TRMT44: variants seen among roughly 807,000 people sequenced by gnomAD.
TRMT44 encodes the protein tRNA methyltransferase 44 homolog.
TRMT44 carries 78 observed loss-of-function variants against 77.3 expected under a neutral mutation model. The ratio of observed to expected loss-of-function variants is 1.01; its 90% confidence interval spans 0.84 to 1.22. TRMT44 has a LOEUF of 1.22. Among genes scored for constraint, TRMT44 ranks in the 50% most tolerant of loss-of-function variants. The pLI, the probability that TRMT44 is intolerant of heterozygous loss-of-function variation, is 0.00. For missense variants in TRMT44, 1,090 were observed against 964.4 expected, an observed-to-expected ratio of 1.13 and a Z score of -1.73; for synonymous variants, 391 against 383.3, an observed-to-expected ratio of 1.02 and a Z score of -0.23.
the TRMT44 span, chr4:8,512,020 T>G: frequency 6.6e-6 from 1 of 152,180 alleles, no homozygotes; most frequent in Non-Finnish European, 1.5e-5. Context: ...AATTTTCTTT[T>G]TAGTTTTTAG....
intron 6 of TRMT44, among the ~76,000 whole-genome samples, chr4:8,463,598 G>A (rs1392529003): frequency 2.0e-5 from 3 of 152,198 alleles, no homozygotes; most frequent in Non-Finnish European, 4.4e-5. Context: ...AGACCTCTCT[G>A]CCTTCCATTC....
chr4:8,452,164 G>A lies in TRMT44; in HGVS notation c.1023+136G>A, dbSNP rs140152809. The A allele has an allele frequency of 3.6e-5, 28 of 778,902 alleles. 1 individual carries two copies. The highest frequency in any genetic ancestry group is 6.6e-5 in the Admixed American group (3 of 45,678). 48.2% of individuals were successfully genotyped at this position (778,902 alleles called of 1,614,324 possible). ...TTCTGCTGGCCAAGGTTGGTTTCTCGTGTAATGGTTTGACTTCATGTGGTC... is the reference window on the plus strand; with the variant it reads ...TTCTGCTGGCCAAGGTTGGTTTCTCATGTAATGGTTTGACTTCATGTGGTC... On this transcript the variant is annotated intron_variant, in intron 4 of 10. Coordinates refer to ENST00000389737, the MANE Select transcript of TRMT44 (RefSeq NM_152544.3). This position sits in a 1 kb window ranked among gnomAD's most constrained non-coding sequence, Gnocchi z 5.7.
rs914787512 is a variant in TRMT44, at chr4:8,449,591, A to G, written c.735-78A>G. 143 of 1,167,478 alleles carry G rather than the reference A, an allele frequency of 1.2e-4. No individual in the cohort carries two copies. In the African/African-American group the frequency reaches 1.8e-3, roughly 14 times the overall value. The allele number at this position is 1,167,478 out of a possible 1,614,324, so 72.3% of individuals were successfully genotyped here. A position where few individuals can be genotyped will look rare whatever the true frequency, so the allele number is the denominator to read the frequency against. On this transcript the variant is annotated intron_variant, in intron 2 of 10. Coordinates refer to ENST00000389737, the MANE Select transcript of TRMT44 (RefSeq NM_152544.3). ...AGATGTCTTAGCTTCTGTTTTCTTC[A>G]TTAGGTAAATAAATAGATAATTTTA...
the TRMT44 span, among the ~76,000 whole-genome samples, chr4:8,501,645 T>G: frequency 6.6e-6 from 1 of 152,142 alleles, no homozygotes; most frequent in Non-Finnish European, 1.5e-5. This position sits in a 1 kb window ranked among gnomAD's most constrained non-coding sequence, Gnocchi z 4.4. Flanking sequence ...CCTTTGCTAT[T>G]TGAGATGTTT....
In TRMT44 at chr4:8,476,384, T is replaced by C; in HGVS notation, c.*383T>C. On this transcript the variant is annotated 3_prime_UTR_variant, in exon 11 of 11. Transcript: ENST00000389737. ...ACCATGTCCACATCTGTGAAGAGGA[T>C]GGGGCTCCTCGAGAAGTAAGACCGT... 4.3e-6 allele frequency: 1 copy of C among 231,194 alleles called. No homozygotes were observed. Among genetic ancestry groups the C allele is most frequent in the Non-Finnish European group, 8.5e-6 (1 of 117,276 alleles). The allele number at this position is 231,194 out of a possible 1,614,324, so 14.3% of individuals were successfully genotyped here.
At chr4:8,463,108 G>A (rs751767284) in intron 6 of TRMT44, among the ~76,000 whole-genome samples, 39 of 152,338 alleles carry the variant, frequency 2.6e-4, no homozygotes, top group Non-Finnish European at 4.7e-4. Flanking sequence ...GAATAGCCTT[G>A]AAGAGTGAGT....
At chr4:8,473,712 T>C (rs1252031480) in intron 10 of TRMT44, 1 of 152,382 alleles carries the variant, frequency 6.6e-6, no homozygotes, top group Non-Finnish European at 1.5e-5. Context: ...CATTTCAAAA[T>C]GAGGAGCACA....
At chr4:8,445,412 C>A (rs959616603) in intron 1 of TRMT44, among the ~76,000 whole-genome samples, 9 of 152,242 alleles carry the variant, frequency 5.9e-5, no homozygotes, top group African/African-American at 1.9e-4. Context: ...CCCTATGTGA[C>A]CTGGGTGGGC....
intron 8 of TRMT44, among the ~76,000 whole-genome samples, chr4:8,466,255 C>T (rs1726535333): frequency 6.6e-6 from 1 of 152,258 alleles, no homozygotes; most frequent in African/African-American, 2.4e-5. Context: ...TGATGGCTGC[C>T]TTAGCAAGAA....
At chr4:8,482,635 T>A (rs963107542) in intron 2 of TRMT44, among the ~76,000 whole-genome samples, 1 of 152,096 alleles carries the variant, frequency 6.6e-6, no homozygotes, top group Non-Finnish European at 1.5e-5. Flanking sequence ...TGAGCCAGGA[T>A]GAGCCAGGAA....
chr4:8,455,096 G>A lies in TRMT44; in HGVS notation c.1203+283G>A, dbSNP rs553690718. Among the ~76,000 whole-genome samples, 93 of 152,304 alleles carry A rather than the reference G, an allele frequency of 6.1e-4. 1 individual carries two copies. The highest frequency in any genetic ancestry group is 7.5e-4 in the Non-Finnish European group (51 of 68,026). ...TTTGTATCTTGTGTGGGGTGCTCCC[G>A]TGCAGCCTTGAGGTGGGGGCTGTGC... is the stretch of plus-strand genomic sequence containing the variant. On this transcript the variant is annotated intron_variant, in intron 6 of 10. Transcript: ENST00000389737.
At chr4:8,443,552 A>ATTAT (rs1207855820) in intron 1 of TRMT44, among the ~76,000 whole-genome samples, 2 of 152,228 alleles carry the variant, frequency 1.3e-5, no homozygotes, top group Admixed American at 1.3e-4. Context: ...AAATAGGATA[A>ATTAT]TAATAAAATA....
At chr4:8,496,699 G>A (rs1050677177), downstream of TRMT44, among the ~76,000 whole-genome samples, 1 of 152,082 alleles carries the variant, frequency 6.6e-6, no homozygotes, top group Non-Finnish European at 1.5e-5. Context: ...CGGTCACTGT[G>A]GCTCCCTCAG....
At position 8,475,937 on chromosome 4, in the gene TRMT44, C is replaced by T. The variant is rs576421639; in HGVS notation, c.2210C>T (p.Pro737Leu). 2.9e-5 allele frequency: 47 copies of T among 1,614,196 alleles called. No individual in the cohort carries two copies. The highest frequency in any genetic ancestry group is 8.3e-5 in the Admixed American group (5 of 60,032). ...DGCALSTDCC[P>L]FAHGPAELRP... Reference sequence around the variant, plus strand: ...TGCGCTCTGTCCACGGACTGCTGCCCGTTTGCCCATGGGCCTGCGGAGCTG... The same window carrying T: ...TGCGCTCTGTCCACGGACTGCTGCCTGTTTGCCCATGGGCCTGCGGAGCTG... The change falls in exon 11 of 11, where the codon CCG becomes CTG. Residue 737 changes from proline (P) to leucine (L), a missense_variant. Physicochemically the swap from Pro to Leu is moderately conservative, Grantham distance 98. Transcript: ENST00000389737.
intron 2 of TRMT44, among the ~76,000 whole-genome samples, chr4:8,448,077 G>A (rs1256566373): frequency 6.6e-6 from 1 of 151,686 alleles, no homozygotes; most frequent in African/African-American, 2.4e-5. Context: ...GCTCTTTAAC[G>A]AGCTACTGAG....
chr4:8,472,997 C>T (rs1276939880), intron 10 of TRMT44, among the ~76,000 whole-genome samples: 1 of 152,190 alleles, frequency 6.6e-6, no homozygotes, highest in African/African-American at 2.4e-5. Flanking sequence ...GGGGGGCAAA[C>T]TTGTTTTTGG....
chr4:8,466,057 C>T (rs1726522088), intron 8 of TRMT44, among the ~76,000 whole-genome samples: 2 of 152,224 alleles, frequency 1.3e-5, no homozygotes, highest in Non-Finnish European at 2.9e-5. Context: ...GGGACTGTGC[C>T]TCTGACCTTT....
chr4:8,468,491 C>T (rs530138317), intron 9 of TRMT44, 145 bp downstream of exon 9: 6 of 769,824 alleles, frequency 7.8e-6, no homozygotes, highest in African/African-American at 1.7e-5. Flanking sequence ...CATAGGCTCT[C>T]TTCAAGCAAA....
intron 2 of TRMT44, among the ~76,000 whole-genome samples, chr4:8,491,617 G>A (rs570117415): frequency 6.6e-6 from 1 of 152,322 alleles, no homozygotes; most frequent in South Asian, 2.1e-4. Flanking sequence ...GGCACTGCTG[G>A]GGGACCTAGT....
Sources: gnomAD v4.1 joint callset for allele counts (sites outside exome capture counted in the v4.1 genomes callset) on GRCh38, gnomAD v4.1.1 for gene constraint, Gnocchi (gnomAD v3.1) non-coding constraint, MANE v1.5 for transcripts, NCBI Gene and HGNC (gene_info 2026-07-23, HGNC 2026-07-21) for gene names.